Variants in DCC observed in about 807,000 individuals in gnomAD.
DCC encodes DCC netrin 1 receptor, also known as netrin receptor DCC.
In DCC, 58 loss-of-function variants were observed where a neutral mutation model predicts 172.5. The observed-to-expected ratio is 0.34, with a 90% CI of 0.27 to 0.42. The LOEUF (loss-of-function observed/expected upper bound fraction) is 0.42, where lower values mean the gene tolerates loss of function less well. DCC is among the 10% of genes least tolerant of loss of function. DCC has a pLI of 1.00. For missense variants in DCC, 1,740 were observed against 1,791.0 expected, an observed-to-expected ratio of 0.97 and a Z score of 0.51; for synonymous variants, 709 against 644.5, an observed-to-expected ratio of 1.10 and a Z score of -1.52.
chr18:53,460,502 A>G (rs1402754151), intron 24 of DCC, among the ~76,000 whole-genome samples: 1 of 136,854 alleles, frequency 7.3e-6, no homozygotes, highest in Middle Eastern at 5.0e-3. Context: ...TCATTGTTCA[A>G]TTCCCACCTA....
chr18:53,030,795 A>T (rs1436379058), intron 5 of DCC, among the ~76,000 whole-genome samples: 1 of 152,204 alleles, frequency 6.6e-6, no homozygotes, highest in Admixed American at 6.5e-5. Flanking sequence ...GCCTACTAAC[A>T]GTAACTCTGT....
At chr18:52,430,649 G>A (rs1987590692) in intron 1 of DCC, among the ~76,000 whole-genome samples, 1 of 152,128 alleles carries the variant, frequency 6.6e-6, no homozygotes, top group South Asian at 2.1e-4. Context: ...TGACAAAGAG[G>A]AGCTGTGCAA....
chr18:53,517,201 A>G (rs2046344521), intron 27 of DCC, among the ~76,000 whole-genome samples: 1 of 147,778 alleles, frequency 6.8e-6, no homozygotes, highest in South Asian at 2.2e-4. Context: ...CGCAAGAACA[A>G]AAAACCAAAC....
At chr18:52,544,096 CT>C (rs976334652) in intron 1 of DCC, among the ~76,000 whole-genome samples, 49 of 152,266 alleles carry the variant, frequency 3.2e-4, no homozygotes, top group African/African-American at 1.2e-3. Flanking sequence ...TAATTTGGCC[CT>C]GTTGTTCTGA....
chr18:53,477,452 T>A (rs1017070397), intron 25 of DCC, among the ~76,000 whole-genome samples: 2 of 152,196 alleles, frequency 1.3e-5, no homozygotes, highest in Admixed American at 6.5e-5. Context: ...AAATTTATAA[T>A]GGCCCCATTT....
rs149164788 is a variant in DCC at position 53,522,447 on chromosome 18, G to A, written c.4112-4170G>A. ...GAATTTCATGTGGAACCAAAAAAGG[G>A]CCCCTATAGCCAAGACAGTCCTAAG... On this transcript the variant is annotated intron_variant, in intron 27 of 28. Coordinates refer to ENST00000442544, the MANE Select transcript of DCC (RefSeq NM_005215.4). Among the ~76,000 whole-genome samples, 267 of 152,134 alleles carry A rather than the reference G, an allele frequency of 1.8e-3. 2 individuals carry two copies. The East Asian group carries it at 0.035, about 20-fold the overall frequency.
Position 53,450,633 on chromosome 18 carries a change from C to T in DCC, c.3363C>T (p.Cys1121=). The T allele has an allele frequency of 1.9e-6, 3 of 1,610,354 alleles. No individual in the cohort carries two copies. The highest frequency in any genetic ancestry group is 1.7e-6 in the Non-Finnish European group (2 of 1,178,550). The change falls in exon 23 of 29, where the codon TGC becomes TGT. Residue 1121 remains cysteine, a synonymous_variant. Transcript: ENST00000442544. ...VLVVVIVAVI[C]TRRSSAQQRK... ...TAGTGGTCATCGTGGCTGTGATTTG[C>T]ACCCGACGCTCTTCAGCCCAGCAGA...
chr18:53,114,751 G>A (rs1260438266), intron 7 of DCC, among the ~76,000 whole-genome samples: 3 of 151,544 alleles, frequency 2.0e-5, no homozygotes, highest in Non-Finnish European at 4.4e-5. Flanking sequence ...GAAAAGACCA[G>A]GCCAGGGCTA....
intron 1 of DCC, among the ~76,000 whole-genome samples, chr18:52,459,142 C>A (rs1439212482): frequency 6.6e-6 from 1 of 152,132 alleles, no homozygotes; most frequent in Non-Finnish European, 1.5e-5. Flanking sequence ...ATAACTCTCA[C>A]ATCATCAACT....
intron 1 of DCC, among the ~76,000 whole-genome samples, chr18:52,694,470 G>A (rs944874304): frequency 2.6e-5 from 4 of 152,076 alleles, no homozygotes; most frequent in Admixed American, 6.6e-5. Flanking sequence ...AGTCCCTTCC[G>A]GTATAGGATT....
intron 1 of DCC, among the ~76,000 whole-genome samples, chr18:52,495,318 G>A (rs773093378): frequency 3.3e-5 from 5 of 151,998 alleles, no homozygotes; most frequent in Non-Finnish European, 5.9e-5. Flanking sequence ...TTTTGTCTCT[G>A]CAGGGCCACA....
intron 22 of DCC, among the ~76,000 whole-genome samples, chr18:53,441,043 T>C (rs770823952): frequency 1.3e-5 from 2 of 152,336 alleles, no homozygotes; most frequent in African/African-American, 2.4e-5. Context: ...TGGATGCCAG[T>C]AATATCTCCT....
rs1447338523 is a variant in DCC at position 53,331,435 on chromosome 18, T to C, written c.2165-8278T>C. On this transcript the variant is annotated intron_variant, in intron 14 of 28. Coordinates refer to ENST00000442544, the MANE Select transcript of DCC (RefSeq NM_005215.4). ...GATCAAATGCTTCATGGTAGAATGA[T>C]ACAAAGTTCTAGTGAGGTTTTGCAA... is the stretch of plus-strand genomic sequence containing the variant. 4.6e-5 allele frequency among the ~76,000 whole-genome samples: 7 copies of C among 152,214 alleles called. No homozygotes were observed. In the East Asian group the frequency reaches 5.8e-4, roughly 13 times the overall value.
intron 1 of DCC, among the ~76,000 whole-genome samples, chr18:52,688,665 T>C (rs571127109): frequency 1.2e-4 from 18 of 152,094 alleles, no homozygotes; most frequent in Admixed American, 9.2e-4. Context: ...AAAAAAAGGG[T>C]AACTGTATGA....
intron 15 of DCC, among the ~76,000 whole-genome samples, chr18:53,366,061 TG>T (rs919263303): frequency 6.9e-6 from 1 of 143,990 alleles, no homozygotes; most frequent in Non-Finnish European, 1.5e-5. Context: ...AATACTTAAT[TG>T]TTTTTTTTTT....
intron 7 of DCC, among the ~76,000 whole-genome samples, chr18:53,149,693 C>T (rs2043970277): frequency 6.6e-6 from 1 of 152,206 alleles, no homozygotes; most frequent in Non-Finnish European, 1.5e-5. Context: ...TAGTTGCTCA[C>T]ATATTGGTTG....
At chr18:52,794,981 T>C (rs1244103726) in intron 2 of DCC, among the ~76,000 whole-genome samples, 1 of 152,086 alleles carries the variant, frequency 6.6e-6, no homozygotes, top group Non-Finnish European at 1.5e-5. Context: ...CAAATCCCCC[T>C]TAATCATGAT....
At chr18:52,505,276 T>A (rs1043145028) in intron 1 of DCC, among the ~76,000 whole-genome samples, 1 of 152,196 alleles carries the variant, frequency 6.6e-6, no homozygotes, top group South Asian at 2.1e-4. Flanking sequence ...ATAATATTCA[T>A]GTATAATTTT....
At chr18:53,365,393 A>T (rs1292673447) in intron 15 of DCC, among the ~76,000 whole-genome samples, 1 of 147,330 alleles carries the variant, frequency 6.8e-6, no homozygotes, top group South Asian at 2.1e-4. Context: ...AAAGTACAGT[A>T]ATATATATAT....
Sources: gnomAD v4.1 joint callset for allele counts (sites outside exome capture counted in the v4.1 genomes callset) on GRCh38, gnomAD v4.1.1 for gene constraint, MANE v1.5 for transcripts, NCBI Gene and HGNC (gene_info 2026-07-23, HGNC 2026-07-21) for gene names.